The following MEGF11 variants were observed in gnomAD, a reference collection of about 807,000 sequenced individuals.
MEGF11 encodes multiple epidermal growth factor-like domains protein 11.
A neutral mutation model predicts 146.6 loss-of-function variants in MEGF11; 126 were observed. That is an observed-to-expected ratio of 0.86 (90% CI 0.74 to 1.00). The LOEUF (loss-of-function observed/expected upper bound fraction) is 1.00. Ranked by LOEUF, MEGF11 falls within the 50% of genes least tolerant of loss-of-function variation. MEGF11 has a pLI of 0.00. For synonymous variants in MEGF11, 532 were observed against 583.4 expected, an observed-to-expected ratio of 0.91 and a Z score of 1.27; for missense variants, 1,509 against 1,521.2, an observed-to-expected ratio of 0.99 and a Z score of 0.13.
intron 5 of MEGF11, among the ~76,000 whole-genome samples, chr15:66,018,265 A>G (rs968744586): frequency 6.6e-6 from 1 of 152,190 alleles, no homozygotes; most frequent in Non-Finnish European, 1.5e-5. Flanking sequence ...CCAGTCACTA[A>G]GCAGGGCACA....
chr15:65,955,777 T>TAGATATATAG (rs1209942224), intron 10 of MEGF11, among the ~76,000 whole-genome samples: 200 of 10,482 alleles, frequency 0.019, 15 homozygotes, highest in Non-Finnish European at 0.041. Flanking sequence ...TATATATATA[T>TAGATATATAG]ATATATATAT....
chr15:65,987,629 T>C (rs1226634153), intron 5 of MEGF11, among the ~76,000 whole-genome samples: 1 of 152,198 alleles, frequency 6.6e-6, no homozygotes, highest in Non-Finnish European at 1.5e-5. Flanking sequence ...ACCCCAAATA[T>C]AAAAACTCTG....
chr15:66,078,309 G>A (rs1264346410), intron 5 of MEGF11, among the ~76,000 whole-genome samples: 2 of 152,258 alleles, frequency 1.3e-5, no homozygotes, highest in Admixed American at 6.5e-5. Context: ...TCAGCCTCAA[G>A]TGCCACCTCC....
At chr15:66,110,420 C>T (rs568566629) in intron 4 of MEGF11, among the ~76,000 whole-genome samples, 5 of 152,278 alleles carry the variant, frequency 3.3e-5, no homozygotes, top group African/African-American at 4.8e-5. Flanking sequence ...GACCAGACCA[C>T]GGTGGCTGCA....
At chr15:66,126,229 A>G (rs1306714123) in intron 2 of MEGF11, among the ~76,000 whole-genome samples, 1 of 152,178 alleles carries the variant, frequency 6.6e-6, no homozygotes, top group African/African-American at 2.4e-5. Flanking sequence ...CTGGAACAAC[A>G]CAGGCTAGAT....
intron 5 of MEGF11, among the ~76,000 whole-genome samples, chr15:65,994,915 C>G (rs1367310918): frequency 6.6e-6 from 1 of 152,238 alleles, no homozygotes; most frequent in African/African-American, 2.4e-5. Context: ...CTACTAAGAA[C>G]TGATTGGATG....
chr15:65,941,235 G>A (rs1038858893), intron 10 of MEGF11, among the ~76,000 whole-genome samples: 1 of 152,104 alleles, frequency 6.6e-6, no homozygotes, highest in Non-Finnish European at 1.5e-5. Context: ...GGCTAACGTG[G>A]TGAAAACCTG....
chr15:65,976,609 G>A (rs776038632), intron 7 of MEGF11, among the ~76,000 whole-genome samples: 2 of 152,224 alleles, frequency 1.3e-5, no homozygotes, highest in Non-Finnish European at 2.9e-5. Flanking sequence ...TGGACTTTCA[G>A]CCTTCAGAAC....
At chr15:66,188,451 A>T (rs1175451532) in intron 1 of MEGF11, among the ~76,000 whole-genome samples, 2 of 151,930 alleles carry the variant, frequency 1.3e-5, no homozygotes, top group African/African-American at 4.8e-5. Context: ...CAAGGCCCTG[A>T]CTCCCTTTGC....
At chr15:65,974,500 A>C (rs1179997871) in intron 7 of MEGF11, among the ~76,000 whole-genome samples, 2 of 152,146 alleles carry the variant, frequency 1.3e-5, no homozygotes, top group Non-Finnish European at 2.9e-5. Context: ...TCTAGTAAAA[A>C]ATACAAAAAT....
At chr15:65,964,871 C>G (rs376480282) in intron 9 of MEGF11, 37 bp downstream of exon 9, 195 of 1,498,900 alleles carry the variant, frequency 1.3e-4, no homozygotes, top group Non-Finnish European at 1.7e-4. Flanking sequence ...GAGCACCCCC[C>G]GCCCTTGTCC....
intron 10 of MEGF11, among the ~76,000 whole-genome samples, chr15:65,945,658 GA>G (rs2080164505): frequency 6.6e-6 from 1 of 152,174 alleles, no homozygotes; most frequent in Non-Finnish European, 1.5e-5. Flanking sequence ...GATACGGATG[GA>G]CAGCGTGGTG....
intron 24 of MEGF11, among the ~76,000 whole-genome samples, chr15:65,899,441 T>C (rs2078437216): frequency 6.6e-6 from 1 of 152,200 alleles, no homozygotes; most frequent in Non-Finnish European, 1.5e-5. Flanking sequence ...CTCCTGGGCT[T>C]AAGTGATTCT....
chr15:66,188,706 T>A (rs2090782115), intron 1 of MEGF11, among the ~76,000 whole-genome samples: 1 of 152,192 alleles, frequency 6.6e-6, no homozygotes, highest in Non-Finnish European at 1.5e-5. Flanking sequence ...CCCCTCCACC[T>A]ACTGGCCCTT....
intron 5 of MEGF11, among the ~76,000 whole-genome samples, chr15:65,984,800 G>A (rs952455391): frequency 6.6e-6 from 1 of 151,938 alleles, no homozygotes; most frequent in African/African-American, 2.4e-5. Flanking sequence ...ACAGAGTCTC[G>A]CTCTATTAGG....
rs979396979 is a variant in MEGF11, at chr15:65,896,125, C to G, written c.*1809G>C. On this transcript the variant is annotated 3_prime_UTR_variant, in exon 26 of 26. Transcript: ENST00000395614. ...CTGAAATACTGAGGTAAGCTGCTTA[C>G]CTATATTTCTTTCTACATATGTATG... is the stretch of plus-strand genomic sequence containing the variant. 7 of 152,450 alleles carry G rather than the reference C, an allele frequency of 4.6e-5. No individual in the cohort carries two copies. Among genetic ancestry groups the G allele is most frequent in the Non-Finnish European group, 8.8e-5 (6 of 68,034 alleles). The allele number at this position is 152,450 out of a possible 1,614,324, so 9.4% of individuals were successfully genotyped here.
Position 66,224,922 on chromosome 15 carries a change from C to T in MEGF11, c.-9+28683G>A, listed in dbSNP as rs75748548. Among the ~76,000 whole-genome samples, 266 of 152,178 alleles carry T rather than the reference C, an allele frequency of 1.7e-3. 5 individuals are homozygous for T. In the East Asian group the frequency reaches 0.042, roughly 24 times the overall value. ...CCCCAAGCACTCATTTCTCCTTGAG[C>T]TGCACAGTTCTTTCCCCAACCTTCT... is the stretch of plus-strand genomic sequence containing the variant. On this transcript the variant is annotated intron_variant, in intron 1 of 25. Coordinates refer to ENST00000395614, the MANE Select transcript of MEGF11 (RefSeq NM_001385028.1).
intron 1 of MEGF11, among the ~76,000 whole-genome samples, chr15:66,152,702 C>A (rs569211249): frequency 1.3e-5 from 2 of 152,178 alleles, no homozygotes; most frequent in East Asian, 3.9e-4. Flanking sequence ...GAATGCAGAG[C>A]GAGGGGCACA....
chr15:66,039,848 C>CAGCCTTCTCTCATCCCTA (rs1190455475), intron 5 of MEGF11, among the ~76,000 whole-genome samples: 32 of 3,096 alleles, frequency 0.01, 1 homozygote, highest in South Asian at 0.038. Flanking sequence ...GGGTGACGGT[C>CAGCCTTCTCTCATCCCTA]CTGAGCCGGG....
Sources: gnomAD v4.1 joint callset for allele counts (sites outside exome capture counted in the v4.1 genomes callset) on GRCh38, gnomAD v4.1.1 for gene constraint, MANE v1.5 for transcripts, NCBI Gene and HGNC (gene_info 2026-07-23, HGNC 2026-07-21) for gene names.